MINAR1: variants seen among roughly 807,000 people sequenced by gnomAD.
The protein encoded by MINAR1 is major intrinsically disordered Notch2-binding receptor 1.
MINAR1 carries 40 observed loss-of-function variants against 65.1 expected under a neutral mutation model. The ratio of observed to expected loss-of-function variants is 0.61; its 90% CI spans 0.48 to 0.80. The LOEUF (loss-of-function observed/expected upper bound fraction) is 0.80, where lower values mean the gene tolerates loss of function less well. Among genes scored for constraint, MINAR1 ranks in the 30% least tolerant of loss-of-function variants. The pLI is 0.00. For missense variants in MINAR1, 1,128 were observed against 1,148.0 expected (o/e 0.98, Z 0.25); for synonymous variants, 482 against 449.1 (o/e 1.07, Z -0.93).
In MINAR1 at chr15:79,456,599, C is replaced by T. The variant is rs766240984; in HGVS notation, c.452C>T (p.Pro151Leu). 6.2e-7 allele frequency: 1 copy of T among 1,614,154 alleles called. No homozygotes were observed. The highest frequency in any genetic ancestry group is 8.5e-7 in the Non-Finnish European group (1 of 1,180,030). The change falls in exon 2 of 4, where the codon CCC (proline) becomes CTC (leucine). Residue 151 changes from proline to leucine, a missense_variant. Transcript: ENST00000305428. ...LSERSFSRGY[P>L]IRQSSKCRKM... ...GAGAGGTCTTTCAGCCGGGGCTACC[C>T]CATCAGGCAGTCGTCCAAGTGCCGG...
At chr15:79,464,768 A>C (rs1440872475) in intron 3 of MINAR1, among the ~76,000 whole-genome samples, 1 of 152,160 alleles carries the variant, frequency 6.6e-6, no homozygotes, top group Non-Finnish European at 1.5e-5. Context: ...CCCTTACCTC[A>C]TGCATGTTAC....
chr15:79,429,958 T>C (rs1052174866), upstream of MINAR1, among the ~76,000 whole-genome samples: 2 of 151,504 alleles, frequency 1.3e-5, no homozygotes, highest in Non-Finnish European at 2.9e-5. Context: ...TGGGGAGGGG[T>C]GAGTGGCCAC....
intron 2 of MINAR1, 118 bp downstream of exon 2, chr15:79,458,563 T>C: frequency 7.8e-7 from 1 of 1,274,996 alleles, no homozygotes; most frequent in Non-Finnish European, 1.1e-6. Flanking sequence ...GTGCCAGTCA[T>C]CCTTCCAGGT....
intron 3 of MINAR1, among the ~76,000 whole-genome samples, chr15:79,467,722 G>C (rs1895920932): frequency 6.6e-6 from 1 of 152,182 alleles, no homozygotes; most frequent in South Asian, 2.1e-4. Flanking sequence ...TGATTTTTCA[G>C]TAGAAGCTTT....
rs1161211311 is a variant in MINAR1 at position 79,470,512 on chromosome 15, C to A, written c.*2128C>A. 1 of 152,206 alleles carries A rather than the reference C, an allele frequency of 6.6e-6. No homozygotes were observed. The highest frequency in any genetic ancestry group is 2.4e-5 in the African/African-American group (1 of 41,440). The allele number at this position is 152,206 out of a possible 1,614,324, so 9.4% of individuals were successfully genotyped here. A position where few individuals can be genotyped will look rare whatever the true frequency, so the allele number is the denominator to read the frequency against. ...CAAATCTTCCATTTAACAGGTAGGA[C>A]CATCGAGGCTGGACCAAACCACTTT... On this transcript the variant is annotated 3_prime_UTR_variant, in exon 4 of 4. Coordinates refer to ENST00000305428, the MANE Select transcript of MINAR1 (RefSeq NM_015206.3).
chr15:79,422,667 A>G, the MINAR1 span: 1 of 152,212 alleles, frequency 6.6e-6, no homozygotes, highest in Non-Finnish European at 1.5e-5. Context: ...AAGAACATTC[A>G]CTGGAAAAAT....
chr15:79,458,878 G>A (rs1293859037), intron 2 of MINAR1, among the ~76,000 whole-genome samples: 1 of 152,196 alleles, frequency 6.6e-6, no homozygotes, highest in Non-Finnish European at 1.5e-5. Context: ...CATTGTATGT[G>A]TGATGTTCCT....
intron 2 of MINAR1, among the ~76,000 whole-genome samples, chr15:79,459,837 A>G (rs1895583811): frequency 1.3e-5 from 2 of 152,090 alleles, no homozygotes; most frequent in African/African-American, 2.4e-5. Flanking sequence ...CCAGAGTTTG[A>G]TATATGCTGC....
rs1473676802 is a variant in MINAR1, at chr15:79,468,524, GGTTTTCAGAAA to G, written c.*143_*153del. The G allele has an allele frequency of 1.0e-5, 8 of 792,554 alleles. No homozygotes were observed. In the African/African-American group the frequency reaches 1.4e-4, roughly 14 times the overall value. 49.1% of individuals were successfully genotyped at this position (792,554 alleles called of 1,614,324 possible). Reference sequence around the variant, plus strand: ...ATTTCTACAAATGTTGAATGAAGGTGGTTTTCAGAAAGTATACATTCTAGTGAGAAATCTAC... The same window carrying G: ...ATTTCTACAAATGTTGAATGAAGGTGGTATACATTCTAGTGAGAAATCTAC... On this transcript the variant is annotated 3_prime_UTR_variant, in exon 4 of 4. Transcript: ENST00000305428.
At chr15:79,416,826 T>C in the MINAR1 span, 3 of 152,204 alleles carry the variant, frequency 2.0e-5, no homozygotes, top group African/African-American at 7.2e-5. Flanking sequence ...TCTAGGACCA[T>C]TGACTCCCAA....
At chr15:79,424,298 C>T in the MINAR1 span, 1 of 152,324 alleles carries the variant, frequency 6.6e-6, no homozygotes, top group Non-Finnish European at 1.5e-5. Context: ...CCAGCAATCC[C>T]TTAAGTACCC....
chr15:79,453,437 A>G (rs1032669168), intron 1 of MINAR1, among the ~76,000 whole-genome samples: 2 of 151,964 alleles, frequency 1.3e-5, no homozygotes, highest in African/African-American at 2.4e-5. Context: ...CAGTTTCCTT[A>G]TCTGTAACAT....
intron 1 of MINAR1, among the ~76,000 whole-genome samples, chr15:79,434,549 G>T (rs1046780123): frequency 3.9e-5 from 6 of 152,234 alleles, no homozygotes; most frequent in Admixed American, 2.0e-4. Flanking sequence ...TGCCTGCTGG[G>T]CAGGGATTTA....
rs368321066 is a variant in MINAR1, at chr15:79,447,010, C to T, written c.-50-9088C>T. Among the ~76,000 whole-genome samples, 6 of 152,280 alleles carry T rather than the reference C, an allele frequency of 3.9e-5. No homozygotes were observed. The East Asian group carries it at 1.2e-3, about 29-fold the overall frequency. On this transcript the variant is annotated intron_variant, in intron 1 of 3. Transcript: ENST00000305428. ...CAAAAGCTTCTCATGCCTCAGCCTCCCGAGTAGCTGGGATTACAGGTGCAT... is the reference window on the plus strand; with the variant it reads ...CAAAAGCTTCTCATGCCTCAGCCTCTCGAGTAGCTGGGATTACAGGTGCAT...
chr15:79,466,502 CAT>C (rs1895862457), intron 3 of MINAR1, among the ~76,000 whole-genome samples: 1 of 152,104 alleles, frequency 6.6e-6, no homozygotes, highest in South Asian at 2.1e-4. Flanking sequence ...ATATAATTTT[CAT>C]ATGTCATAAA....
In MINAR1 at chr15:79,453,315, C is replaced by T. The variant is rs1229426110; in HGVS notation, c.-50-2783C>T. On this transcript the variant is annotated intron_variant, in intron 1 of 3. Coordinates refer to ENST00000305428, the MANE Select transcript of MINAR1 (RefSeq NM_015206.3). Reference sequence around the variant, plus strand: ...GCGATTGAGCCTAGTGCCCCTTCAACAGCGTCAGAAGACCTGGGTTGGAGT... The same window carrying T: ...GCGATTGAGCCTAGTGCCCCTTCAATAGCGTCAGAAGACCTGGGTTGGAGT... 5.9e-5 allele frequency among the ~76,000 whole-genome samples: 9 copies of T among 152,216 alleles called. No individual in the cohort carries two copies. In the East Asian group the frequency reaches 1.7e-3, roughly 29 times the overall value.
At chr15:79,425,716 G>T in the MINAR1 span, 4 of 152,216 alleles carry the variant, frequency 2.6e-5, no homozygotes, top group African/African-American at 4.8e-5. Context: ...TCATTCGACA[G>T]CTGAGGAAAC....
chr15:79,423,801 G>A, the MINAR1 span: 1 of 152,202 alleles, frequency 6.6e-6, no homozygotes, highest in African/African-American at 2.4e-5. Context: ...CATAAAGTGG[G>A]AATAATGGCA....
At chr15:79,431,512 T>TGG (rs1261340803), upstream of MINAR1, among the ~76,000 whole-genome samples, 358 of 122,760 alleles carry the variant, frequency 2.9e-3, 5 homozygotes, top group East Asian at 0.026. Context: ...TGTGTGTGTG[T>TGG]GTGGGGGGGG....
Sources: gnomAD v4.1 joint callset for allele counts (sites outside exome capture counted in the v4.1 genomes callset) on GRCh38, gnomAD v4.1.1 for gene constraint, MANE v1.5 for transcripts, NCBI Gene and HGNC (gene_info 2026-07-23, HGNC 2026-07-21) for gene names.